EXOC6B: variants seen among roughly 807,000 people sequenced by gnomAD.
EXOC6B encodes the protein SEC15 homolog B.
EXOC6B carries 54 observed loss-of-function variants against 113.5 expected under a neutral mutation model. That is an observed-to-expected ratio of 0.48 (90% CI 0.38 to 0.60). The LOEUF is 0.60. EXOC6B is among the 20% of genes least tolerant of loss of function. The pLI, the probability that EXOC6B is intolerant of heterozygous loss-of-function variation, is 0.00. For missense variants in EXOC6B, 797 were observed against 977.5 expected (o/e 0.82, Z 2.46); for synonymous variants, 357 against 339.0 (o/e 1.05, Z -0.58).
intron 17 of EXOC6B, among the ~76,000 whole-genome samples, chr2:72,470,638 C>A (rs2105443661): frequency 6.9e-6 from 1 of 144,968 alleles, no homozygotes; most frequent in East Asian, 2.1e-4. Context: ...CCACAACAGG[C>A]CCCGGTGTGT....
chr2:72,325,651 TCTCGAGGG>T (rs1249580553), intron 20 of EXOC6B, among the ~76,000 whole-genome samples: 2 of 151,854 alleles, frequency 1.3e-5, no homozygotes, highest in Non-Finnish European at 2.9e-5. Context: ...AGACACAAAC[TCTCGAGGG>T]AAGAACCCTC....
At chr2:72,643,682 G>A (rs921168778) in intron 6 of EXOC6B, among the ~76,000 whole-genome samples, 1 of 149,100 alleles carries the variant, frequency 6.7e-6, no homozygotes, top group African/African-American at 2.5e-5. Flanking sequence ...GTTAGTGGGT[G>A]CAGCACACCA....
chr2:72,367,015 T>C (rs1328812064), intron 19 of EXOC6B, among the ~76,000 whole-genome samples: 1 of 152,054 alleles, frequency 6.6e-6, no homozygotes, highest in Non-Finnish European at 1.5e-5. Context: ...ACATGGGTAA[T>C]TATGAAATAT....
intron 6 of EXOC6B, among the ~76,000 whole-genome samples, chr2:72,661,370 C>CAA (rs200936973): frequency 1.6e-4 from 11 of 69,048 alleles, no homozygotes; most frequent in South Asian, 4.7e-4. Context: ...CAAGGAATCT[C>CAA]AAAAAAAAAA....
chr2:72,521,648 G>T (rs909453203), intron 8 of EXOC6B, among the ~76,000 whole-genome samples: 46 of 152,154 alleles, frequency 3.0e-4, no homozygotes, highest in African/African-American at 1.1e-3. Context: ...TGCATCTAAA[G>T]TATTTTGGTA....
chr2:72,717,990 A>T, intron 6 of EXOC6B, 113 bp downstream of exon 6: 1 of 755,086 alleles, frequency 1.3e-6, no homozygotes, highest in Non-Finnish European at 2.1e-6. Flanking sequence ...GACTTCCCTA[A>T]AATGATAAGA....
chr2:72,313,550 T>C (rs1687336718), intron 20 of EXOC6B, among the ~76,000 whole-genome samples: 1 of 151,876 alleles, frequency 6.6e-6, no homozygotes, highest in South Asian at 2.1e-4. Context: ...ATATGTAAAA[T>C]TACCACTAGA....
At position 72,795,444 on chromosome 2, in the gene EXOC6B, C is replaced by T. The variant is rs148940322; in HGVS notation, c.113+30354G>A. 4.1e-3 allele frequency among the ~76,000 whole-genome samples: 620 copies of T among 152,146 alleles called. 4 individuals are homozygous for T. Among genetic ancestry groups the T allele is most frequent in the African/African-American group, 0.014 (571 of 41,524 alleles). ...CAAAAAAATTAGCCGGGCGTTGTGA[C>T]GGGCGCCTGTAGTCCCAGCTACTCA... On this transcript the variant is annotated intron_variant, in intron 1 of 21. Transcript: ENST00000272427.
intron 20 of EXOC6B, among the ~76,000 whole-genome samples, chr2:72,316,587 A>G (rs564041202): frequency 2.6e-5 from 4 of 152,340 alleles, no homozygotes; most frequent in East Asian, 1.9e-4. Context: ...CAGAAATTCA[A>G]TCTAGGTCCA....
chr2:72,523,026 C>T (rs1326670595), intron 8 of EXOC6B, among the ~76,000 whole-genome samples: 4 of 152,128 alleles, frequency 2.6e-5, no homozygotes, highest in Non-Finnish European at 5.9e-5. Flanking sequence ...ACACAAGTGA[C>T]AACTTTGAAT....
intron 16 of EXOC6B, among the ~76,000 whole-genome samples, chr2:72,491,555 C>T (rs536867696): frequency 3.1e-4 from 47 of 152,252 alleles, no homozygotes; most frequent in African/African-American, 1.1e-3. Flanking sequence ...ACTCCTCTCA[C>T]TTTAGGCACT....
Position 72,624,547 on chromosome 2 carries a change from C to A in EXOC6B, c.670-48879G>T, listed in dbSNP as rs557263815. ...TTTGAGACCAGGAATTCAAGATCAC[C>A]CTGGGCAACAACATAGCAAGATCAC... is the stretch of plus-strand genomic sequence containing the variant. On this transcript the variant is annotated intron_variant, in intron 6 of 21. Coordinates refer to ENST00000272427, the MANE Select transcript of EXOC6B (RefSeq NM_015189.3). Among the ~76,000 whole-genome samples the A allele has an allele frequency of 2.0e-5, 3 of 152,146 alleles. No individual in the cohort carries two copies. The East Asian group carries it at 5.8e-4, about 29-fold the overall frequency.
intron 20 of EXOC6B, among the ~76,000 whole-genome samples, chr2:72,299,663 T>C (rs1162495406): frequency 6.6e-6 from 1 of 152,128 alleles, no homozygotes; most frequent in Non-Finnish European, 1.5e-5. Flanking sequence ...TTTCTCCCCA[T>C]CTTTGTGGGA....
chr2:72,623,835 T>G (rs375631911), intron 6 of EXOC6B, among the ~76,000 whole-genome samples: 20 of 152,282 alleles, frequency 1.3e-4, no homozygotes, highest in African/African-American at 4.1e-4. Flanking sequence ...AGTAAGTACT[T>G]CTATTCCTAT....
chr2:72,188,425 C>A (rs1442278151), intron 20 of EXOC6B, among the ~76,000 whole-genome samples: 1 of 152,158 alleles, frequency 6.6e-6, no homozygotes, highest in Non-Finnish European at 1.5e-5. Flanking sequence ...CACTCTGGGT[C>A]CATGTTGCTT....
At chr2:72,664,088 G>GT (rs933636073) in intron 6 of EXOC6B, among the ~76,000 whole-genome samples, 18 of 152,094 alleles carry the variant, frequency 1.2e-4, no homozygotes, top group Non-Finnish European at 2.6e-4. Flanking sequence ...CAGGAAGATG[G>GT]TTTGAACATA....
chr2:72,264,071 TA>T (rs764084849), intron 20 of EXOC6B, among the ~76,000 whole-genome samples: 165 of 152,238 alleles, frequency 1.1e-3, no homozygotes, highest in Non-Finnish European at 1.9e-3. Flanking sequence ...CCTAAGTGTA[TA>T]AAAAAGGATA....
intron 18 of EXOC6B, among the ~76,000 whole-genome samples, chr2:72,437,103 G>T (rs1295042355): frequency 2.6e-5 from 4 of 152,140 alleles, no homozygotes; most frequent in Non-Finnish European, 5.9e-5. Flanking sequence ...TGTCCTTTTT[G>T]TTCATGTTAT....
At chr2:72,761,882 G>C (rs1278822818) in intron 1 of EXOC6B, among the ~76,000 whole-genome samples, 4 of 151,998 alleles carry the variant, frequency 2.6e-5, no homozygotes, top group Non-Finnish European at 5.9e-5. Flanking sequence ...GGAGGCTGAG[G>C]TCAAAGGTTC....
Sources: allele counts gnomAD v4.1 joint callset (sites outside exome capture counted in the v4.1 genomes callset), GRCh38; gene constraint gnomAD v4.1.1; transcripts MANE v1.5; gene names NCBI Gene and HGNC (gene_info 2026-07-23, HGNC 2026-07-21).